PLRG1: variants seen among roughly 807,000 people sequenced by gnomAD.
PLRG1 encodes the protein pleiotropic regulator 1 (PRL1 homolog, Arabidopsis).
In PLRG1, 28 loss-of-function variants were observed where a neutral mutation model predicts 74.9. The observed-to-expected ratio is 0.37, with a 90% confidence interval of 0.28 to 0.51. PLRG1 has a LOEUF of 0.51. Ranked by LOEUF, PLRG1 falls within the 20% of genes least tolerant of loss-of-function variation. The pLI is 0.91. For missense variants in PLRG1, 445 were observed against 631.9 expected (o/e 0.70, Z 3.17); for synonymous variants, 197 against 212.4 (o/e 0.93, Z 0.63).
At chr4:154,546,786 T>TGTCTTTG in intron 4 of PLRG1, 1 of 556,040 alleles carries the variant, frequency 1.8e-6, no homozygotes, top group Admixed American at 3.2e-5. Flanking sequence ...ACAGTTTTAC[T>TGTCTTTG]GTCTTTGAAT....
chr4:154,544,088 G>A (rs1010266166), intron 7 of PLRG1: 15 of 170,170 alleles, frequency 8.8e-5, no homozygotes, highest in Non-Finnish European at 1.5e-4. Flanking sequence ...TTCATTTATT[G>A]TAGTTGAAAG....
At position 154,540,065 on chromosome 4, in the gene PLRG1, C is replaced by T. The variant is rs1451874109; in HGVS notation, c.940-12G>A. ...CTCACATCCCAAATCTATAAAAACA[C>T]AATAGACATATTAGGAAAGAGAATA... On this transcript the variant is annotated splice_polypyrimidine_tract_variant and intron_variant, in intron 10 of 14. Transcript: ENST00000499023. 14 of 1,301,198 alleles carry T rather than the reference C, an allele frequency of 1.1e-5. No homozygotes were observed. The highest frequency in any genetic ancestry group is 1.6e-5 in the Non-Finnish European group (14 of 894,852). The allele number at this position is 1,301,198 out of a possible 1,614,324, so 80.6% of individuals were successfully genotyped here.
chr4:154,540,934 T>A lies in PLRG1; in HGVS notation c.688A>T (p.Ile230Phe). The A allele has an allele frequency of 6.3e-7, 1 of 1,583,320 alleles. No individual in the cohort carries two copies. The highest frequency in any genetic ancestry group is 8.6e-7 in the Non-Finnish European group (1 of 1,168,566). ...VTGSADRTIK[I>F]WDLASGKLKL... ...AATTTGCCACTAGCCAAGTCCCAGA[T>A]CTGCAATCAAAGAATATTTATTTTT... Residue 230 changes from isoleucine (I) to phenylalanine (F), a missense_variant and splice_region_variant, in exon 9 of 15, where the codon ATC becomes TTC. Coordinates refer to ENST00000499023, the MANE Select transcript of PLRG1 (RefSeq NM_002669.4).
intron 7 of PLRG1, 31 bp downstream of exon 7, chr4:154,544,414 C>T: frequency 8.7e-7 from 1 of 1,155,360 alleles, no homozygotes; most frequent in Non-Finnish European, 1.3e-6. Flanking sequence ...AATCATGGTT[C>T]ACATAATAAA....
At chr4:154,540,514 A>G in intron 10 of PLRG1, 80 bp downstream of exon 10, 2 of 881,970 alleles carry the variant, frequency 2.3e-6, no homozygotes, top group South Asian at 1.4e-5. Context: ...CTATCAATCA[A>G]TTGAAGACAC....
intron 14 of PLRG1, 105 bp downstream of exon 14, chr4:154,537,181 T>C (rs919721917): frequency 1.7e-5 from 11 of 655,690 alleles, no homozygotes; most frequent in Non-Finnish European, 2.5e-5. Flanking sequence ...AAGACAGATA[T>C]CTTAAATACT....
intron 1 of PLRG1, chr4:154,549,685 A>G (rs753459081): frequency 2.2e-6 from 1 of 456,354 alleles, no homozygotes; most frequent in South Asian, 1.5e-5. Context: ...AACAACTTAT[A>G]GAACAAAATG....
intron 2 of PLRG1, among the ~76,000 whole-genome samples, chr4:154,548,079 T>C (rs1310238041): frequency 1.3e-5 from 2 of 152,168 alleles, no homozygotes; most frequent in Non-Finnish European, 2.9e-5. Flanking sequence ...TGTTACCTAA[T>C]AAATAGAAAA....
At chr4:154,544,305 T>A (rs1344072038) in intron 7 of PLRG1, 140 bp downstream of exon 7, 2 of 604,994 alleles carry the variant, frequency 3.3e-6, no homozygotes, top group African/African-American at 3.7e-5. Context: ...AGATACTCCC[T>A]ACGACTCTTC....
chr4:154,547,261 T>C (rs1260867852), intron 3 of PLRG1, among the ~76,000 whole-genome samples, 197 bp from the exon 4 acceptor site: 2 of 152,204 alleles, frequency 1.3e-5, no homozygotes, highest in East Asian at 1.9e-4. Flanking sequence ...CCATTTGCTA[T>C]ATAGCAATGG....
chr4:154,547,029 G>A lies in PLRG1; in HGVS notation c.295C>T (p.Pro99Ser). 1 of 1,611,542 alleles carries A rather than the reference G, an allele frequency of 6.2e-7. No individual in the cohort carries two copies. Among genetic ancestry groups the A allele is most frequent in the Non-Finnish European group, 8.5e-7 (1 of 1,177,896 alleles). The change falls in exon 4 of 15, where the codon CCA becomes TCA. Residue 99 changes from proline to serine, a missense_variant. Around this residue, in one of 3 missense-constraint regions of PLRG1, gnomAD observed 206 missense variants for 210.8 expected, o/e 0.98. Coordinates refer to ENST00000499023, the MANE Select transcript of PLRG1 (RefSeq NM_002669.4). Reference sequence around the variant, plus strand: ...CACTAACCAGGTCCTGGTGGGTATGGATGTGTACCTGCCACAAAGTATTCA... The same window carrying A: ...CACTAACCAGGTCCTGGTGGGTATGAATGTGTACCTGCCACAAAGTATTCA... ...EVEYFVAGTH[P>S]YPPGPGVALT...
intron 3 of PLRG1, 114 bp downstream of exon 3, chr4:154,547,597 A>T: frequency 1.1e-6 from 1 of 895,612 alleles, no homozygotes; most frequent in Non-Finnish European, 1.8e-6. Flanking sequence ...TACGGCCATT[A>T]AATACTGTAC....
chr4:154,545,601 T>C (rs1220954937), intron 6 of PLRG1, among the ~76,000 whole-genome samples: 1 of 152,100 alleles, frequency 6.6e-6, no homozygotes, highest in Admixed American at 6.6e-5. Flanking sequence ...GGGCAATAAA[T>C]ACCAACATCA....
At chr4:154,539,380 G>A (rs1729512502) in intron 11 of PLRG1, among the ~76,000 whole-genome samples, 167 bp from the exon 12 acceptor site, 1 of 152,038 alleles carries the variant, frequency 6.6e-6, no homozygotes, top group African/African-American at 2.4e-5. Flanking sequence ...TTTTTAGGTT[G>A]ATTTTAATTC....
At chr4:154,547,357 T>C in intron 3 of PLRG1, 1 of 522,106 alleles carries the variant, frequency 1.9e-6, no homozygotes, top group Non-Finnish European at 3.4e-6. Context: ...TTGAATTCTC[T>C]TTACTTATTA....
chr4:154,543,667 A>G (rs370647669), intron 7 of PLRG1, among the ~76,000 whole-genome samples: 1 of 152,246 alleles, frequency 6.6e-6, no homozygotes, highest in African/African-American at 2.4e-5. Context: ...TGTAACATCT[A>G]TATCCTAATT....
chr4:154,549,139 G>A lies in PLRG1; in HGVS notation c.10-204C>T. The stretch of plus-strand genomic sequence containing the variant: ...GGCTAGAACCTCAGGTTTAGCAACT[G>A]AGTGATGCCGGAGTTTAACTTACTC... On this transcript the variant is annotated intron_variant, in intron 1 of 14. Coordinates refer to ENST00000499023, the MANE Select transcript of PLRG1 (RefSeq NM_002669.4). 15 of 564,930 alleles carry A rather than the reference G, an allele frequency of 2.7e-5. 1 individual carries two copies. Among genetic ancestry groups the A allele is most frequent in the South Asian group, 2.2e-4 (14 of 63,290 alleles). The allele number at this position is 564,930 out of a possible 1,614,324, so 35.0% of individuals were successfully genotyped here. A position where few individuals can be genotyped will look rare whatever the true frequency, so the allele number is the denominator to read the frequency against.
chr4:154,545,875 A>G lies in PLRG1; in HGVS notation c.453T>C (p.Pro151=). The G allele has an allele frequency of 6.2e-7, 1 of 1,612,734 alleles. No individual in the cohort carries two copies. Among genetic ancestry groups the G allele is most frequent in the Non-Finnish European group, 8.5e-7 (1 of 1,178,870 alleles). The part of the protein sequence containing the change: ...TAPSGSEYRH[P]GASDRPQPTA... ...TAGGCTGTGGACGGTCAGAAGCCCC[A>G]GGATGTCGGTATTCACTTCCACTAG... Residue 151 remains proline (P), a synonymous_variant, in exon 6 of 15, where the codon CCT becomes CCC. Transcript: ENST00000499023.
chr4:154,536,731 T>C lies in PLRG1; in HGVS notation c.1499A>G (p.His500Arg). Reference sequence around the variant, plus strand: ...AATTTCTGGTTTCCAGCTGACTGGATGAGTTTCTTCTGTCTAAAAATAGAA... The same window carrying C: ...AATTTCTGGTTTCCAGCTGACTGGACGAGTTTCTTCTGTCTAAAAATAGAA... ...REDDTATEET[H>R]PVSWKPEIIK... The change falls in exon 15 of 15, where the codon CAT (histidine) becomes CGT (arginine). Residue 500 changes from histidine (H) to arginine (R), a missense_variant. Transcript: ENST00000499023. 6.5e-7 allele frequency: 1 copy of C among 1,528,106 alleles called. No homozygotes were observed. The highest frequency in any genetic ancestry group is 2.3e-5 in the East Asian group (1 of 44,246). The allele number at this position is 1,528,106 out of a possible 1,614,324, so 94.7% of individuals were successfully genotyped here. A position where few individuals can be genotyped will look rare whatever the true frequency, so the allele number is the denominator to read the frequency against.
Sources: allele counts gnomAD v4.1 joint callset (sites outside exome capture counted in the v4.1 genomes callset), GRCh38; gene constraint gnomAD v4.1.1; regional missense constraint gnomAD v4.1.1; transcripts MANE v1.5; gene names NCBI Gene and HGNC (gene_info 2026-07-23, HGNC 2026-07-21).